Variants in DOCK1 observed in about 807,000 individuals in gnomAD.
DOCK1 encodes dedicator of cytokinesis 1, also known as dedicator of cytokinesis protein 1.
Under a neutral mutation model 262.7 loss-of-function variants are expected in DOCK1, and 138 were observed. The observed-to-expected ratio is 0.53, with a 90% CI of 0.46 to 0.61. The LOEUF (loss-of-function observed/expected upper bound fraction) is 0.61. Ranked by LOEUF, DOCK1 falls within the 20% of genes least tolerant of loss-of-function variation. DOCK1 has a pLI of 0.00. For synonymous variants in DOCK1, 866 were observed against 867.4 expected (o/e 1.00, Z 0.03); for missense variants, 1,908 against 2,370.7 (o/e 0.80, Z 4.05).
At chr10:127,388,634 A>T (rs11017787) in intron 38 of DOCK1, among the ~76,000 whole-genome samples, 46,453 of 152,150 alleles carry the variant, frequency 0.31, 7,497 homozygotes, top group Admixed American at 0.46. Context: ...ACATGCTCCG[A>T]ATCCTCCTTT....
chr10:127,294,948 T>C (rs1380065574), intron 29 of DOCK1, among the ~76,000 whole-genome samples: 1 of 152,188 alleles, frequency 6.6e-6, no homozygotes, highest in Non-Finnish European at 1.5e-5. Context: ...GGCCAAGTTG[T>C]CCTATTCTTA....
chr10:127,372,099 A>T (rs1333259997), intron 33 of DOCK1, among the ~76,000 whole-genome samples: 1 of 152,184 alleles, frequency 6.6e-6, no homozygotes, highest in Non-Finnish European at 1.5e-5. Context: ...AATTGGAGAG[A>T]TTCACTAAGG....
chr10:127,233,764 A>G (rs182253294), intron 27 of DOCK1, among the ~76,000 whole-genome samples: 2 of 152,358 alleles, frequency 1.3e-5, no homozygotes, highest in East Asian at 3.9e-4. Context: ...TAAGAATTAT[A>G]AAAAATGTTG....
At chr10:126,916,038 T>C (rs1056456339) in intron 1 of DOCK1, among the ~76,000 whole-genome samples, 2 of 152,180 alleles carry the variant, frequency 1.3e-5, no homozygotes, top group South Asian at 4.1e-4. Flanking sequence ...AAGTTAGGCG[T>C]TGGGACACTA....
intron 13 of DOCK1, among the ~76,000 whole-genome samples, chr10:127,020,926 C>T (rs56248715): frequency 0.19 from 28,688 of 152,158 alleles, 2,759 homozygotes; most frequent in Non-Finnish European, 0.21. Context: ...GCTACTTTCT[C>T]ATAGCTCGTT....
chr10:127,202,320 C>G (rs968443818), intron 27 of DOCK1, among the ~76,000 whole-genome samples: 7 of 149,242 alleles, frequency 4.7e-5, no homozygotes, highest in Non-Finnish European at 1.0e-4. Flanking sequence ...GAGACTCTGT[C>G]TCCAAAAAAA....
intron 29 of DOCK1, among the ~76,000 whole-genome samples, chr10:127,263,946 A>C (rs1423728446): frequency 6.6e-6 from 1 of 152,196 alleles, no homozygotes; most frequent in Non-Finnish European, 1.5e-5. Flanking sequence ...CCTGGTAGGA[A>C]GTGAGTCTGC....
chr10:126,924,195 C>T (rs1252391091), intron 1 of DOCK1, among the ~76,000 whole-genome samples: 4 of 113,592 alleles, frequency 3.5e-5, no homozygotes, highest in African/African-American at 6.4e-5. Context: ...GCAGGGGGAA[C>T]TGAATGCTGG....
At chr10:127,017,126 AAC>A (rs1218278108) in intron 12 of DOCK1, among the ~76,000 whole-genome samples, 1 of 116,378 alleles carries the variant, frequency 8.6e-6, no homozygotes, top group Non-Finnish European at 1.8e-5. Context: ...ACACCATAAA[AAC>A]AGACATACAC....
chr10:126,937,450 C>A (rs1191470123), intron 1 of DOCK1, among the ~76,000 whole-genome samples: 1 of 151,188 alleles, frequency 6.6e-6, no homozygotes. Context: ...TACATTCCCA[C>A]CACTAGTACA....
chr10:127,022,051 C>T (rs2042466121), intron 13 of DOCK1, among the ~76,000 whole-genome samples: 1 of 152,098 alleles, frequency 6.6e-6, no homozygotes, highest in Admixed American at 6.5e-5. Context: ...ACTAATGAAG[C>T]TTGTGAAGTT....
At chr10:127,202,678 G>A (rs1239595555) in intron 27 of DOCK1, among the ~76,000 whole-genome samples, 2 of 152,154 alleles carry the variant, frequency 1.3e-5, no homozygotes, top group Non-Finnish European at 2.9e-5. Context: ...ATGATGCTCC[G>A]CTTCGGTTGT....
intron 29 of DOCK1, among the ~76,000 whole-genome samples, chr10:127,293,175 G>A (rs958271095): frequency 3.3e-5 from 5 of 152,168 alleles, no homozygotes; most frequent in African/African-American, 7.2e-5. Flanking sequence ...GCCACAAAGC[G>A]TCAAGGACGT....
intron 27 of DOCK1, among the ~76,000 whole-genome samples, chr10:127,134,409 C>T (rs944527033): frequency 6.6e-6 from 1 of 152,170 alleles, no homozygotes; most frequent in Admixed American, 6.5e-5. Flanking sequence ...GAAATGCTGC[C>T]AACTGCCTAA....
intron 23 of DOCK1, among the ~76,000 whole-genome samples, chr10:127,099,873 C>T (rs2048132203): frequency 6.6e-6 from 1 of 152,142 alleles, no homozygotes; most frequent in African/African-American, 2.4e-5. Context: ...TGAGGGGTAC[C>T]AGAGTCTAAC....
At chr10:126,908,843 A>C (rs2133994970) in intron 1 of DOCK1, among the ~76,000 whole-genome samples, 1 of 152,338 alleles carries the variant, frequency 6.6e-6, no homozygotes, top group African/African-American at 2.4e-5. Flanking sequence ...CGACGTCAAT[A>C]AAATTATGTT....
intron 29 of DOCK1, among the ~76,000 whole-genome samples, chr10:127,282,013 G>A (rs2060978317): frequency 6.6e-6 from 1 of 152,112 alleles, no homozygotes; most frequent in East Asian, 1.9e-4. Flanking sequence ...ACAATAGCTG[G>A]TAAACTAATA....
At chr10:127,173,910 T>A (rs2054820255) in intron 27 of DOCK1, among the ~76,000 whole-genome samples, 1 of 152,226 alleles carries the variant, frequency 6.6e-6, no homozygotes, top group African/African-American at 2.4e-5. Flanking sequence ...CAGTTCTTTT[T>A]GCTTAAGAGC....
rs72836432 is a variant in DOCK1 at position 127,254,659 on chromosome 10, A to G, written c.2950-2676A>G. ...ACTTTGAATCCACAAAAATGTGGCC[A>G]TGTCCTATTTCCCTAACAATCCTTC... On this transcript the variant is annotated intron_variant, in intron 28 of 51. Coordinates refer to ENST00000623213, the MANE Select transcript of DOCK1 (RefSeq NM_001290223.2). Among the ~76,000 whole-genome samples, 685 of 152,346 alleles carry G rather than the reference A, an allele frequency of 4.5e-3. 1 individual carries two copies. Among genetic ancestry groups the G allele is most frequent in the Admixed American group, 7.6e-3 (117 of 15,304 alleles).
Sources: allele counts gnomAD v4.1 joint callset (sites outside exome capture counted in the v4.1 genomes callset), GRCh38; gene constraint gnomAD v4.1.1; transcripts MANE v1.5; gene names NCBI Gene and HGNC (gene_info 2026-07-23, HGNC 2026-07-21).